HTR2C: variants seen among roughly 807,000 people sequenced by gnomAD.
HTR2C encodes the protein 5-hydroxytryptamine (serotonin) receptor 2C, G protein-coupled.
A neutral mutation model predicts 21.0 loss-of-function variants in HTR2C; 5 were observed. That is an observed-to-expected ratio of 0.24 (90% CI 0.12 to 0.50). The LOEUF (loss-of-function observed/expected upper bound fraction) is 0.50, where lower values mean the gene tolerates loss of function less well. Ranked by LOEUF, HTR2C falls within the 20% of genes least tolerant of loss-of-function variation. HTR2C has a pLI of 0.98. For missense variants in HTR2C, 271 were observed against 371.2 expected (o/e 0.73, Z 2.22); for synonymous variants, 150 against 145.3 (o/e 1.03, Z -0.23).
In HTR2C at chrX:114,906,806, G is replaced by A. The variant is rs1187115625; in HGVS notation, c.768G>A (p.Pro256=). 11 of 1,208,495 alleles carry A rather than the reference G, an allele frequency of 9.1e-6. No individual in the cohort carries two copies. The highest frequency in any genetic ancestry group is 1.1e-5 in the Non-Finnish European group (10 of 894,735). The stretch of plus-strand genomic sequence containing the variant: ...TACTGCACGGCCACACCGAGGAACC[G>A]CCTGGACTAAGTCTGGATTTCCTGA... The part of the protein sequence containing the change: ...LMLLHGHTEE[P]PGLSLDFLKC... Residue 256 remains proline (P), a synonymous_variant, in exon 6 of 6, where the codon CCG becomes CCA. Transcript: ENST00000276198.
At chrX:114,675,873 T>C (rs868985525) in intron 2 of HTR2C, among the ~76,000 whole-genome samples, 1 of 99,773 alleles carries the variant, frequency 1.0e-5, no homozygotes, top group African/African-American at 4.1e-5. Flanking sequence ...TTTTTCTTTT[T>C]TCTTTTTTTT....
At chrX:114,762,009 TA>T (rs1240124238) in intron 4 of HTR2C, among the ~76,000 whole-genome samples, 10,055 of 16,057 alleles carry the variant, frequency 0.63, 3,300 homozygotes, top group African/African-American at 0.82. Context: ...CACATATATA[TA>T]GTATATATAC....
At chrX:114,866,643 C>A (rs1023507819) in intron 5 of HTR2C, among the ~76,000 whole-genome samples, 4 of 109,941 alleles carry the variant, frequency 3.6e-5, no homozygotes, top group South Asian at 3.9e-4. Context: ...TCTCTCCCCC[C>A]ACAACCACCA....
At position 114,686,270 on chromosome X, in the gene HTR2C, A is replaced by G. The variant is rs73638457; in HGVS notation, c.-79-40588A>G. ...CCAGAAATAATTCCCCACTGGGTCA[A>G]CATCCCCCAGAGCTCTTCTTCACAG... On this transcript the variant is annotated intron_variant, in intron 2 of 5. Coordinates refer to ENST00000276198, the MANE Select transcript of HTR2C (RefSeq NM_000868.4). Among the ~76,000 whole-genome samples the G allele has an allele frequency of 7.5e-3, 834 of 111,792 alleles. 8 individuals carry two copies. Among genetic ancestry groups the G allele is most frequent in the African/African-American group, 0.025 (779 of 30,822 alleles).
At chrX:114,835,351 C>T (rs1199032760) in intron 4 of HTR2C, among the ~76,000 whole-genome samples, 2 of 107,961 alleles carry the variant, frequency 1.9e-5, no homozygotes, top group East Asian at 6.0e-4. Flanking sequence ...ACCAATCAGA[C>T]CTAGATTTGG....
intron 4 of HTR2C, among the ~76,000 whole-genome samples, chrX:114,754,228 C>G (rs1395850016): frequency 9.0e-6 from 1 of 111,456 alleles, no homozygotes; most frequent in Non-Finnish European, 1.9e-5. Flanking sequence ...GCTCACAACA[C>G]TTCTCAAATT....
At chrX:114,673,364 C>G (rs1931448494) in intron 2 of HTR2C, among the ~76,000 whole-genome samples, 1 of 111,486 alleles carries the variant, frequency 9.0e-6, no homozygotes, top group African/African-American at 3.3e-5. Context: ...TTAAGCTAAA[C>G]TAACCTAGAT....
rs371131365 is a variant in HTR2C at position 114,606,832 on chromosome X, C to T, written c.-146-6983C>T. On this transcript the variant is annotated intron_variant, in intron 1 of 5. Transcript: ENST00000276198. ...TGTGAAGAGACCACTAAACAGGCTT[C>T]GTGTGAGCAACATGGCTGTTATTTC... Among the ~76,000 whole-genome samples the T allele has an allele frequency of 3.6e-3, 397 of 110,773 alleles. 4 individuals are homozygous for T. The highest frequency in any genetic ancestry group is 0.012 in the African/African-American group (364 of 29,718).
intron 2 of HTR2C, among the ~76,000 whole-genome samples, chrX:114,723,595 T>C (rs1933315469): frequency 9.2e-6 from 1 of 108,291 alleles, no homozygotes. Context: ...CTAGTTCTTT[T>C]AATTGTGATG....
At chrX:114,750,461 A>G (rs1426234950) in intron 4 of HTR2C, among the ~76,000 whole-genome samples, 2 of 112,468 alleles carry the variant, frequency 1.8e-5, no homozygotes, top group Non-Finnish European at 3.8e-5. Flanking sequence ...AACACTGTCT[A>G]GAGGCAAGTC....
At chrX:114,797,515 A>G (rs2070304890) in intron 4 of HTR2C, among the ~76,000 whole-genome samples, 1 of 110,355 alleles carries the variant, frequency 9.1e-6, no homozygotes, top group Non-Finnish European at 1.9e-5. Context: ...GCCACAGTGT[A>G]TATAAACTAA....
At position 114,907,452 on chromosome X, in the gene HTR2C, A is replaced by C; in HGVS notation, c.*37A>C. 1 of 1,011,304 alleles carries C rather than the reference A, an allele frequency of 9.9e-7. No individual in the cohort carries two copies. The highest frequency in any genetic ancestry group is 1.4e-6 in the Non-Finnish European group (1 of 732,802). The allele number at this position is 1,011,304 out of a possible 1,213,427, so 83.3% of individuals were successfully genotyped here. On this transcript the variant is annotated 3_prime_UTR_variant, in exon 6 of 6. Coordinates refer to ENST00000276198, the MANE Select transcript of HTR2C (RefSeq NM_000868.4). ...ACAGTCTTTTCCTACGGTACAAGCTACATATGTAGGAAAATTTTCTTCTTT... is the reference window on the plus strand; with the variant it reads ...ACAGTCTTTTCCTACGGTACAAGCTCCATATGTAGGAAAATTTTCTTCTTT...
chrX:114,852,580 T>C (rs1369977677), intron 5 of HTR2C, among the ~76,000 whole-genome samples: 1 of 111,856 alleles, frequency 8.9e-6, no homozygotes, highest in Non-Finnish European at 1.9e-5. Flanking sequence ...ATGATAGATA[T>C]GCACCCAACT....
At chrX:114,773,391 A>G (rs2070025113) in intron 4 of HTR2C, among the ~76,000 whole-genome samples, 1 of 112,497 alleles carries the variant, frequency 8.9e-6, no homozygotes, top group Non-Finnish European at 1.9e-5. Context: ...TATGGGAGTT[A>G]AAGCAAAATA....
rs1927542727 is a variant in HTR2C, at chrX:114,589,498, T to C, written c.-147+4839T>C. 7 of 119,007 alleles carry C rather than the reference T, an allele frequency of 5.9e-5. No individual in the cohort carries two copies. The South Asian group carries it at 2.3e-3, about 39-fold the overall frequency. The allele number at this position is 119,007 out of a possible 1,213,427, so 9.8% of individuals were successfully genotyped here. ...AAAGGCCATTCATATTTGTCATTTA[T>C]ATAATATTGCCTACTTGAAATTCAA... On this transcript the variant is annotated intron_variant, in intron 1 of 5. Transcript: ENST00000276198.
At chrX:114,816,081 G>A (rs782097927) in intron 4 of HTR2C, among the ~76,000 whole-genome samples, 2 of 111,035 alleles carry the variant, frequency 1.8e-5, no homozygotes, top group South Asian at 7.5e-4. Flanking sequence ...CATGTGTACT[G>A]CCTCTGTCAT....
intron 2 of HTR2C, among the ~76,000 whole-genome samples, chrX:114,640,723 A>G (rs1303679716): frequency 2.7e-5 from 3 of 112,418 alleles, no homozygotes; most frequent in African/African-American, 9.7e-5. Context: ...TAATGAAGAC[A>G]AAAGCAGATT....
In HTR2C at chrX:114,909,719, G is replaced by A. The variant is rs981831630; in HGVS notation, c.*2304G>A. ...AAGTTGTGTGCTATTCGTAAGTTCT[G>A]TGCAGTTTGGTATGAAACAAATATA... On this transcript the variant is annotated 3_prime_UTR_variant, in exon 6 of 6. Coordinates refer to ENST00000276198, the MANE Select transcript of HTR2C (RefSeq NM_000868.4). 8.9e-6 allele frequency: 1 copy of A among 112,107 alleles called. No individual in the cohort carries two copies. The highest frequency in any genetic ancestry group is 3.2e-5 in the African/African-American group (1 of 30,811). 9.2% of individuals were successfully genotyped at this position (112,107 alleles called of 1,213,427 possible). A position where few individuals can be genotyped will look rare whatever the true frequency, so the allele number is the denominator to read the frequency against.
At chrX:114,817,761 T>C (rs1449939870) in intron 4 of HTR2C, among the ~76,000 whole-genome samples, 1 of 111,158 alleles carries the variant, frequency 9.0e-6, no homozygotes, top group African/African-American at 3.3e-5. Context: ...ATTTGACTTG[T>C]CTGGTAGTTC....
Sources: allele counts gnomAD v4.1 joint callset (sites outside exome capture counted in the v4.1 genomes callset), GRCh38; gene constraint gnomAD v4.1.1; transcripts MANE v1.5; gene names NCBI Gene and HGNC (gene_info 2026-07-23, HGNC 2026-07-21).